The following SLC25A21 variants were observed in gnomAD, a reference collection of about 807,000 sequenced individuals.
SLC25A21 encodes the protein solute carrier family 25 member 21.
A neutral mutation model predicts 43.8 loss-of-function variants in SLC25A21; 47 were observed. The ratio of observed to expected loss-of-function variants is 1.07; its 90% CI spans 0.85 to 1.37. The LOEUF is 1.37. SLC25A21 is among the 40% of genes most tolerant of loss of function. The probability of loss-of-function intolerance (pLI) is 0.00; values close to 1 mark genes in which losing one functional copy is unlikely to be tolerated. For synonymous variants in SLC25A21, 131 were observed against 121.3 expected, an observed-to-expected ratio of 1.08 and a Z score of -0.52; for missense variants, 352 against 350.2, an observed-to-expected ratio of 1.00 and a Z score of -0.04.
At chr14:37,137,679 A>T (rs1963505721) in intron 1 of SLC25A21, among the ~76,000 whole-genome samples, 1 of 152,216 alleles carries the variant, frequency 6.6e-6, no homozygotes, top group African/African-American at 2.4e-5. Flanking sequence ...GGATGATGTG[A>T]TGTGTATAAG....
At chr14:37,027,825 AATAAG>A (rs1175345082) in intron 1 of SLC25A21, among the ~76,000 whole-genome samples, 1 of 152,196 alleles carries the variant, frequency 6.6e-6, no homozygotes, top group Non-Finnish European at 1.5e-5. Context: ...GTATTAGTGA[AATAAG>A]ATATCACATG....
chr14:36,873,422 A>G (rs749804970), intron 2 of SLC25A21, among the ~76,000 whole-genome samples: 6 of 151,894 alleles, frequency 4.0e-5, no homozygotes, highest in Non-Finnish European at 8.8e-5. Flanking sequence ...CAGCCTCCTG[A>G]GTAGCTCGGA....
intron 1 of SLC25A21, among the ~76,000 whole-genome samples, chr14:37,149,981 T>C (rs943617185): frequency 1.3e-5 from 2 of 152,150 alleles, no homozygotes; most frequent in Non-Finnish European, 2.9e-5. Context: ...ATATGTATCA[T>C]ACTTAAAACT....
At chr14:37,112,230 C>G (rs544659671) in intron 1 of SLC25A21, among the ~76,000 whole-genome samples, 6 of 152,192 alleles carry the variant, frequency 3.9e-5, no homozygotes, top group African/African-American at 1.2e-4. Flanking sequence ...TTAACAGGCC[C>G]CCTTGCCGCC....
At chr14:37,071,998 G>A (rs1594779716) in intron 1 of SLC25A21, among the ~76,000 whole-genome samples, 1 of 151,562 alleles carries the variant, frequency 6.6e-6, no homozygotes, top group Non-Finnish European at 1.5e-5. Flanking sequence ...CCTGGCCAAC[G>A]TGGTGAAACC....
intron 6 of SLC25A21, among the ~76,000 whole-genome samples, chr14:36,720,651 T>C (rs1340994847): frequency 6.6e-6 from 1 of 152,232 alleles, no homozygotes; most frequent in Non-Finnish European, 1.5e-5. Context: ...TGTGAAGTGA[T>C]TAAGAAGGCT....
intron 1 of SLC25A21, among the ~76,000 whole-genome samples, chr14:36,913,839 T>C (rs1267360773): frequency 1.3e-5 from 2 of 152,248 alleles, no homozygotes; most frequent in African/African-American, 4.8e-5. Flanking sequence ...TTCATAGATG[T>C]AGAAATTCAG....
chr14:36,971,107 A>G (rs769482937), intron 1 of SLC25A21, among the ~76,000 whole-genome samples: 7 of 152,210 alleles, frequency 4.6e-5, no homozygotes, highest in Non-Finnish European at 8.8e-5. Context: ...AGGCAAACTG[A>G]AATGAACTTT....
At chr14:37,016,709 A>G (rs937492344) in intron 1 of SLC25A21, among the ~76,000 whole-genome samples, 1 of 152,104 alleles carries the variant, frequency 6.6e-6, no homozygotes, top group Admixed American at 6.6e-5. Flanking sequence ...ATCTTCTTCC[A>G]ATAAAAGGCT....
At chr14:36,936,286 A>C (rs1892421481) in intron 1 of SLC25A21, among the ~76,000 whole-genome samples, 3 of 152,016 alleles carry the variant, frequency 2.0e-5, no homozygotes, top group Non-Finnish European at 1.5e-5. Flanking sequence ...CTATTATCTC[A>C]TTAGGATTTG....
intron 3 of SLC25A21, among the ~76,000 whole-genome samples, chr14:36,739,267 A>C (rs1594540087): frequency 6.6e-6 from 1 of 152,354 alleles, no homozygotes; most frequent in African/African-American, 2.4e-5. Context: ...GAATAAAATC[A>C]TTTTTGTGAA....
chr14:36,974,860 T>C (rs1959834005), intron 1 of SLC25A21, among the ~76,000 whole-genome samples: 1 of 152,168 alleles, frequency 6.6e-6, no homozygotes, highest in African/African-American at 2.4e-5. Flanking sequence ...GCAATATACT[T>C]GGACCTCAGA....
Position 36,680,225 on chromosome 14 carries a change from GCTTAA to G in SLC25A21, c.*428_*432del, listed in dbSNP as rs1882159444. ...CATTATAAAAACTGCTTAAATTTTGGCTTAACTTTTTTTTAATCCAGTCTTTGAAT... is the reference window on the plus strand; with the variant it reads ...CATTATAAAAACTGCTTAAATTTTGGCTTTTTTTTAATCCAGTCTTTGAAT... On this transcript the variant is annotated 3_prime_UTR_variant, in exon 10 of 10. Coordinates refer to ENST00000331299, the MANE Select transcript of SLC25A21 (RefSeq NM_030631.4). 6.6e-6 allele frequency: 6 copies of G among 908,740 alleles called. No homozygotes were observed. The highest frequency in any genetic ancestry group is 5.8e-4 in the Middle Eastern group (1 of 1,736). 56.3% of individuals were successfully genotyped at this position (908,740 alleles called of 1,614,324 possible).
At chr14:36,705,287 C>T (rs921049567) in intron 7 of SLC25A21, among the ~76,000 whole-genome samples, 2 of 151,970 alleles carry the variant, frequency 1.3e-5, no homozygotes, top group Admixed American at 6.6e-5. Flanking sequence ...CCTCGTGATC[C>T]ACCCGCCTCA....
chr14:37,030,608 G>A (rs1011370357), intron 1 of SLC25A21, among the ~76,000 whole-genome samples: 7 of 152,032 alleles, frequency 4.6e-5, no homozygotes, highest in Non-Finnish European at 1.0e-4. Context: ...CCTTCTTTTT[G>A]ACAGAATTCC....
chr14:36,936,865 A>G (rs534312975), intron 1 of SLC25A21, among the ~76,000 whole-genome samples: 1 of 152,160 alleles, frequency 6.6e-6, no homozygotes, highest in Non-Finnish European at 1.5e-5. Flanking sequence ...ATCCCCACAC[A>G]GGAGGAGATC....
intron 3 of SLC25A21, among the ~76,000 whole-genome samples, chr14:36,745,229 T>A (rs138767146): frequency 0.023 from 3,512 of 152,232 alleles, 154 homozygotes; most frequent in African/African-American, 0.08. Context: ...ACATTTTCTT[T>A]ATCCAGTCTA....
At chr14:36,973,849 T>C (rs527376302) in intron 1 of SLC25A21, among the ~76,000 whole-genome samples, 3 of 151,994 alleles carry the variant, frequency 2.0e-5, no homozygotes, top group South Asian at 2.1e-4. Context: ...AGGATGAAAA[T>C]TGGGAGCCTA....
chr14:36,846,586 T>C (rs1594636591), intron 2 of SLC25A21, among the ~76,000 whole-genome samples: 1 of 152,152 alleles, frequency 6.6e-6, no homozygotes, highest in South Asian at 2.1e-4. Context: ...TCCACCATGT[T>C]GGCCAGGCTG....
Sources: allele counts gnomAD v4.1 joint callset (sites outside exome capture counted in the v4.1 genomes callset), GRCh38; gene constraint gnomAD v4.1.1; transcripts MANE v1.5; gene names NCBI Gene and HGNC (gene_info 2026-07-23, HGNC 2026-07-21).